The following CARD14 variants were observed in gnomAD, a reference collection of about 807,000 sequenced individuals.
The protein encoded by CARD14 is caspase recruitment domain-containing protein 14.
In CARD14, 107 loss-of-function variants were observed where a neutral mutation model predicts 111.5. That is an observed-to-expected ratio of 0.96 (90% CI 0.82 to 1.13). The LOEUF (loss-of-function observed/expected upper bound fraction) is 1.13. Ranked by LOEUF, CARD14 falls within the 50% of genes most tolerant of loss-of-function variation. The pLI, the probability that CARD14 is intolerant of heterozygous loss-of-function variation, is 0.00. For missense variants in CARD14, 1,322 were observed against 1,362.3 expected (o/e 0.97, Z 0.47); for synonymous variants, 617 against 579.6 (o/e 1.06, Z -0.93).
rs1350097551 is a variant in CARD14 at position 80,182,435 on chromosome 17, C to T, written c.212-218C>T. Among the ~76,000 whole-genome samples the T allele has an allele frequency of 1.3e-5, 2 of 152,234 alleles. No homozygotes were observed. The highest frequency in any genetic ancestry group is 2.9e-5 in the Non-Finnish European group (2 of 68,036). ...CTCGATACATGCCAGCTTTGCCCTT[C>T]TCGAGTCTGACTGAGGTCATGGGGG... is the stretch of plus-strand genomic sequence containing the variant. On this transcript the variant is annotated intron_variant, in intron 5 of 23. Coordinates refer to ENST00000648509, the MANE Select transcript of CARD14 (RefSeq NM_001366385.1). This position sits in a 1 kb window ranked among gnomAD's most constrained non-coding sequence, Gnocchi z 4.7.
chr17:80,175,962 T>G (rs1325657773), intron 2 of CARD14, among the ~76,000 whole-genome samples: 9 of 25,414 alleles, frequency 3.5e-4, no homozygotes, highest in East Asian at 2.4e-3. Flanking sequence ...GTTTTTTTTT[T>G]TTTTTTTTTT....
chr17:80,193,835 G>A (rs892283165), intron 12 of CARD14, among the ~76,000 whole-genome samples: 3 of 152,088 alleles, frequency 2.0e-5, no homozygotes, highest in East Asian at 3.9e-4. Context: ...CAACTGAATC[G>A]ACTCTCGCAT....
rs2041078267 is a variant in CARD14 at position 80,203,136 on chromosome 17, G to C, written c.2220-686G>C. The C allele has an allele frequency of 1.3e-5, 2 of 152,326 alleles. No homozygotes were observed. Among genetic ancestry groups the C allele is most frequent in the South Asian group, 4.2e-4 (2 of 4,818 alleles). The allele number at this position is 152,326 out of a possible 1,614,324, so 9.4% of individuals were successfully genotyped here. A position where few individuals can be genotyped will look rare whatever the true frequency, so the allele number is the denominator to read the frequency against. ...TACAAAAAACTTAGCTGGGCGTGGT[G>C]GCAGGTGCCTGTAATCCCAGCTACT... On this transcript the variant is annotated intron_variant, in intron 18 of 23. Coordinates refer to ENST00000648509, the MANE Select transcript of CARD14 (RefSeq NM_001366385.1). This position sits in a 1 kb window ranked among gnomAD's most constrained non-coding sequence, Gnocchi z 4.6.
chr17:80,191,873 G>C (rs886573881), intron 11 of CARD14, among the ~76,000 whole-genome samples: 1 of 152,218 alleles, frequency 6.6e-6, no homozygotes, highest in Non-Finnish European at 1.5e-5. Context: ...AGAGTGGAAA[G>C]ACAGACCTAC....
At chr17:80,175,119 A>C (rs924546552) in intron 2 of CARD14, among the ~76,000 whole-genome samples, 1 of 151,924 alleles carries the variant, frequency 6.6e-6, no homozygotes, top group Non-Finnish European at 1.5e-5. Context: ...TGGGGACCAC[A>C]GGCTCACGCT....
Position 80,198,809 on chromosome 17 carries a change from T to C in CARD14, c.1851+218T>C, listed in dbSNP as rs1012764936. ...CATGTCACCCGTGGTGCTGCTGCCA[T>C]GCGGCGCTTCTGACCAGGGGTCTTT... On this transcript the variant is annotated intron_variant, in intron 16 of 23. Transcript: ENST00000648509. The surrounding 1 kb of genome is among the most constrained non-coding windows in gnomAD (Gnocchi z 7.5). 6.1e-6 allele frequency: 9 copies of C among 1,482,138 alleles called. No individual in the cohort carries two copies. The African/African-American group carries it at 1.3e-4, about 21-fold the overall frequency. The allele number at this position is 1,482,138 out of a possible 1,614,324, so 91.8% of individuals were successfully genotyped here.
intron 19 of CARD14, 136 bp from the exon 20 acceptor site, chr17:80,204,090 AC>A: frequency 1.1e-6 from 1 of 901,062 alleles, no homozygotes. Context: ...GTGCAGACAC[AC>A]CTCAGGCTGT....
chr17:80,190,705 C>T (rs1282034612), intron 9 of CARD14, 69 bp from the exon 10 acceptor site: 18 of 1,586,704 alleles, frequency 1.1e-5, no homozygotes, highest in Non-Finnish European at 1.4e-5. Context: ...CTGGGTTCCC[C>T]GACCCCCTTC....
rs1321147079 is a variant in CARD14 at position 80,202,192 on chromosome 17, T to C, written c.1991T>C (p.Leu664Pro). The C allele has an allele frequency of 6.2e-7, 1 of 1,613,748 alleles. No individual in the cohort carries two copies. Among genetic ancestry groups the C allele is most frequent in the East Asian group, 2.2e-5 (1 of 44,862 alleles). The change falls in exon 18 of 24, where the codon CTA (leucine) becomes CCA (proline). Residue 664 changes from leucine to proline, a missense_variant. Transcript: ENST00000648509. The stretch of plus-strand genomic sequence containing the variant: ...CCCCTTTTATCAGGTTATAAGAGGC[T>C]ACTCCAGGACCTGGAGGCCAAAGTG... ...VKVNTDGYKR[L>P]LQDLEAKVAT...
rs750512409 is a variant in CARD14 at position 80,182,811 on chromosome 17, G to A, written c.349+21G>A. 5.6e-6 allele frequency: 9 copies of A among 1,613,610 alleles called. No homozygotes were observed. The highest frequency in any genetic ancestry group is 1.7e-4 in the Middle Eastern group (1 of 6,054). ...TAGCGGTGAGAGCTCCGACTTTGAC[G>A]GTTTGGCAGGCACTTCTAGGAACCT... On this transcript the variant is annotated intron_variant, in intron 6 of 23. Transcript: ENST00000648509. This position sits in a 1 kb window ranked among gnomAD's most constrained non-coding sequence, Gnocchi z 4.7.
Position 80,190,781 on chromosome 17 carries a change from A to G in CARD14, c.971A>G (p.Glu324Gly). Residue 324 changes from glutamate (E) to glycine (G), a missense_variant, in exon 10 of 24, where the codon GAA becomes GGA. Transcript: ENST00000648509. ...AAERQREQYW[E>G]EKEQTLLQFQ... ...GTGTCCCACTCTGTCCAGTACTGGGAAGAGAAGGAACAGACCCTGCTGCAG... is the reference window on the plus strand; with the variant it reads ...GTGTCCCACTCTGTCCAGTACTGGGGAGAGAAGGAACAGACCCTGCTGCAG... 6.2e-7 allele frequency: 1 copy of G among 1,614,078 alleles called. No individual in the cohort carries two copies. Among genetic ancestry groups the G allele is most frequent in the Non-Finnish European group, 8.5e-7 (1 of 1,180,006 alleles).
chr17:80,191,199 C>A, intron 10 of CARD14, 124 bp from the exon 11 acceptor site: 1 of 1,202,560 alleles, frequency 8.3e-7, no homozygotes, highest in Non-Finnish European at 1.2e-6. Flanking sequence ...TAAGTTTGCA[C>A]AGCTCAGCGT....
In CARD14 at chr17:80,203,522, T is replaced by A; in HGVS notation, c.2220-300T>A. The A allele has an allele frequency of 3.0e-6, 1 of 337,266 alleles. No homozygotes were observed. The highest frequency in any genetic ancestry group is 5.4e-6 in the Non-Finnish European group (1 of 185,944). 20.9% of individuals were successfully genotyped at this position (337,266 alleles called of 1,614,324 possible). A position where few individuals can be genotyped will look rare whatever the true frequency, so the allele number is the denominator to read the frequency against. On this transcript the variant is annotated intron_variant, in intron 18 of 23. Coordinates refer to ENST00000648509, the MANE Select transcript of CARD14 (RefSeq NM_001366385.1). This position sits in a 1 kb window ranked among gnomAD's most constrained non-coding sequence, Gnocchi z 4.6. ...CAGGGACCCACCATGAATATTGAGG[T>A]CCTGGAGTGGGGCCCTGTACGCTGG...
chr17:80,193,302 C>CG (rs2040586752), intron 12 of CARD14, among the ~76,000 whole-genome samples: 1 of 147,434 alleles, frequency 6.8e-6, no homozygotes, highest in East Asian at 2.0e-4. Context: ...CCAGGGGACC[C>CG]AATTCGACCT....
In CARD14 at chr17:80,198,945, CTTTT is replaced by C. The variant is rs910818679; in HGVS notation, c.1851+360_1851+363del. 21 of 1,123,262 alleles carry C rather than the reference CTTTT, an allele frequency of 1.9e-5. No homozygotes were observed. The highest frequency in any genetic ancestry group is 6.5e-5 in the African/African-American group (4 of 61,114). 69.6% of individuals were successfully genotyped at this position (1,123,262 alleles called of 1,614,324 possible). On this transcript the variant is annotated intron_variant, in intron 16 of 23. Transcript: ENST00000648509. The surrounding 1 kb of genome is among the most constrained non-coding windows in gnomAD (Gnocchi z 7.5). ...AACCACTGGGGCATTTCTTTTCTTT[CTTTT>C]TTTTTGTTTGTTGTTTTGAAACAGG...
intron 19 of CARD14, 34 bp from the exon 20 acceptor site, chr17:80,204,193 G>A: frequency 6.4e-7 from 1 of 1,553,370 alleles, no homozygotes; most frequent in Non-Finnish European, 8.8e-7. Flanking sequence ...GGCTTCAACA[G>A]CTCCTCCTCA....
intron 12 of CARD14, 105 bp downstream of exon 12, chr17:80,192,724 G>A (rs1454826855): frequency 1.4e-6 from 1 of 733,564 alleles, no homozygotes; most frequent in Admixed American, 2.4e-5. Context: ...TGTCCCCACA[G>A]GGAAGAGGTT....
intron 2 of CARD14, among the ~76,000 whole-genome samples, chr17:80,176,876 T>C (rs911741573): frequency 1.3e-5 from 2 of 152,176 alleles, no homozygotes; most frequent in Non-Finnish European, 2.9e-5. Context: ...TCAGGAGCCT[T>C]CTGTGGGAGT....
At position 80,198,851 on chromosome 17, in the gene CARD14, C is replaced by T; in HGVS notation, c.1851+260C>T. 7 of 1,457,544 alleles carry T rather than the reference C, an allele frequency of 4.8e-6. No homozygotes were observed. Among genetic ancestry groups the T allele is most frequent in the African/African-American group, 1.4e-5 (1 of 70,932 alleles). The allele number at this position is 1,457,544 out of a possible 1,614,324, so 90.3% of individuals were successfully genotyped here. A position where few individuals can be genotyped will look rare whatever the true frequency, so the allele number is the denominator to read the frequency against. On this transcript the variant is annotated intron_variant, in intron 16 of 23. Coordinates refer to ENST00000648509, the MANE Select transcript of CARD14 (RefSeq NM_001366385.1). The surrounding 1 kb of genome is among the most constrained non-coding windows in gnomAD (Gnocchi z 7.5). ...GGGGTCTTTGCATGAGGCCCCTTGA[C>T]AGGGCTGCTCTGGGTGGTCACTTTG...
Sources: allele counts gnomAD v4.1 joint callset (sites outside exome capture counted in the v4.1 genomes callset), GRCh38; gene constraint gnomAD v4.1.1; non-coding constraint Gnocchi (gnomAD v3.1); transcripts MANE v1.5; gene names NCBI Gene and HGNC (gene_info 2026-07-23, HGNC 2026-07-21).